The following PUM1 variants were observed in gnomAD, a reference collection of about 807,000 sequenced individuals.
The protein encoded by PUM1 is pumilio homolog 1.
In PUM1, 13 loss-of-function variants were observed where a neutral mutation model predicts 131.8. The observed-to-expected ratio is 0.10, with a 90% CI of 0.06 to 0.16. The LOEUF is 0.16. Among genes scored for constraint, PUM1 ranks in the 10% least tolerant of loss-of-function variants. PUM1 has a pLI of 1.00. For synonymous variants in PUM1, 509 were observed against 556.5 expected, an observed-to-expected ratio of 0.91 and a Z score of 1.20; for missense variants, 961 against 1,512.4, an observed-to-expected ratio of 0.64 and a Z score of 6.05.
chr1:30,960,836 AT>A (rs1206970787), intron 14 of PUM1, among the ~76,000 whole-genome samples: 3 of 152,112 alleles, frequency 2.0e-5, no homozygotes, highest in African/African-American at 2.4e-5. Context: ...AAAACAATAA[AT>A]TTTTTTAGAG....
intron 1 of PUM1, among the ~76,000 whole-genome samples, chr1:31,063,722 GAAAGAAAAGACTCCTATA>G (rs1393425246): frequency 2.6e-5 from 4 of 152,166 alleles, no homozygotes; most frequent in Non-Finnish European, 5.9e-5. Flanking sequence ...AGGAATGGGG[GAAAGAAAAGACTCCTATA>G]AAAATGTTCA....
chr1:31,003,147 T>TA (rs146038426), intron 5 of PUM1, among the ~76,000 whole-genome samples: 8 of 152,296 alleles, frequency 5.3e-5, no homozygotes, highest in African/African-American at 7.2e-5. Context: ...TTAATGTTGA[T>TA]ACAGCTACCC....
chr1:31,045,954 T>C (rs570592370), intron 2 of PUM1, among the ~76,000 whole-genome samples: 5 of 152,190 alleles, frequency 3.3e-5, no homozygotes, highest in South Asian at 2.1e-4. Flanking sequence ...TGGTGGTGCA[T>C]GCTTGTAATC....
intron 3 of PUM1, among the ~76,000 whole-genome samples, chr1:31,010,604 G>A (rs1487445813): frequency 6.6e-6 from 1 of 152,114 alleles, no homozygotes; most frequent in Non-Finnish European, 1.5e-5. Flanking sequence ...CTCTGCCTCT[G>A]CCCTGGGTCA....
At chr1:31,058,737 G>A (rs1270079865) in intron 2 of PUM1, among the ~76,000 whole-genome samples, 2 of 151,846 alleles carry the variant, frequency 1.3e-5, no homozygotes, top group South Asian at 2.1e-4. Context: ...TTGGGAGGCC[G>A]AAGCGGGCAG....
chr1:31,055,325 C>A (rs984375499), intron 2 of PUM1: 2 of 456,084 alleles, frequency 4.4e-6, no homozygotes, highest in African/African-American at 4.0e-5. Context: ...GAGCGCAAAA[C>A]TGAAGAACCT....
chr1:31,003,197 A>G (rs1334834803), intron 5 of PUM1, among the ~76,000 whole-genome samples: 1 of 152,192 alleles, frequency 6.6e-6, no homozygotes, highest in African/African-American at 2.4e-5. Flanking sequence ...CCCATACACT[A>G]CCAAGTACCA....
chr1:30,986,689 G>C, intron 7 of PUM1, among the ~76,000 whole-genome samples: 1 of 152,182 alleles, frequency 6.6e-6, no homozygotes, highest in East Asian at 1.9e-4. Context: ...AATACTTTTT[G>C]AGAAAAACTT....
intron 3 of PUM1, among the ~76,000 whole-genome samples, chr1:31,019,127 C>T (rs1380311348): frequency 1.3e-5 from 2 of 152,058 alleles, no homozygotes; most frequent in East Asian, 1.9e-4. Flanking sequence ...CTGAGGCGAG[C>T]GAATCGCTTG....
At chr1:30,944,722 AAGCACTGAAATATCAGAATAAAT>A (rs1639598169) in intron 18 of PUM1, among the ~76,000 whole-genome samples, 3 of 152,390 alleles carry the variant, frequency 2.0e-5, no homozygotes, top group African/African-American at 4.8e-5. Flanking sequence ...TTTAAAACGA[AAGCACTGAAATATCAGAATAAAT>A]AGTACTTAAC....
intron 2 of PUM1, among the ~76,000 whole-genome samples, chr1:31,054,145 G>GGC (rs1207380086): frequency 7.0e-6 from 1 of 142,354 alleles, no homozygotes; most frequent in African/African-American, 2.6e-5. Flanking sequence ...GCCTGAGCAT[G>GGC]GCAAAACTCC....
intron 21 of PUM1, among the ~76,000 whole-genome samples, chr1:30,934,165 C>CA (rs1263750343): frequency 6.6e-6 from 1 of 152,226 alleles, no homozygotes; most frequent in African/African-American, 2.4e-5. Flanking sequence ...AGAAGTCCTA[C>CA]ATTCCAGAAA....
chr1:31,060,906 TA>T (rs1570379273), intron 1 of PUM1, among the ~76,000 whole-genome samples: 1 of 149,666 alleles, frequency 6.7e-6, no homozygotes, highest in Non-Finnish European at 1.5e-5. Context: ...AAAAAAATAA[TA>T]AATAAATAAA....
At position 31,059,389 on chromosome 1, in the gene PUM1, TCCCAGC is replaced by T; in HGVS notation, c.172_177del (p.Ala58_Gly59del). The stretch of plus-strand genomic sequence containing the variant: ...GATCCTGGGACAGGGCTGGAGTGAG[TCCCAGC>T]TGCAAGAGCCTGATTTGCAGCTGGT... On this transcript the variant is annotated inframe_deletion, in exon 2 of 22. Transcript: ENST00000426105. 1 of 1,614,066 alleles carries T rather than the reference TCCCAGC, an allele frequency of 6.2e-7. No individual in the cohort carries two copies. The highest frequency in any genetic ancestry group is 8.5e-7 in the Non-Finnish European group (1 of 1,180,022).
At position 30,965,635 on chromosome 1, in the gene PUM1, G is replaced by C. The variant is rs568599195; in HGVS notation, c.2086+347C>G. Reference sequence around the variant, plus strand: ...AGAACTCGGCTCAGTCTCAATTGTGGAGTATTTCAGCTCTGCTATCTTTAG... The same window carrying C: ...AGAACTCGGCTCAGTCTCAATTGTGCAGTATTTCAGCTCTGCTATCTTTAG... On this transcript the variant is annotated intron_variant, in intron 13 of 21. Coordinates refer to ENST00000426105, the MANE Select transcript of PUM1 (RefSeq NM_001020658.2). Among the ~76,000 whole-genome samples the C allele has an allele frequency of 6.6e-5, 10 of 152,288 alleles. No individual in the cohort carries two copies. The South Asian group carries it at 1.9e-3, about 28-fold the overall frequency.
intron 5 of PUM1, among the ~76,000 whole-genome samples, chr1:30,997,967 T>C (rs1570238942): frequency 2.0e-5 from 3 of 151,206 alleles, no homozygotes; most frequent in Admixed American, 1.3e-4. Context: ...TTCCCTGCAA[T>C]GTGTTGCATT....
intron 2 of PUM1, among the ~76,000 whole-genome samples, chr1:31,057,260 G>A (rs1016800928): frequency 1.3e-5 from 2 of 151,802 alleles, no homozygotes; most frequent in African/African-American, 4.8e-5. Flanking sequence ...AAAAGTAGCC[G>A]GGTGTAGTGT....
At chr1:30,992,738 G>A (rs1641837920) in intron 6 of PUM1, 78 bp from the exon 7 acceptor site, 1 of 1,231,790 alleles carries the variant, frequency 8.1e-7, no homozygotes, top group South Asian at 1.4e-5. Flanking sequence ...TAAGGACAAT[G>A]TCCTCAACAT....
chr1:30,968,340 C>A lies in PUM1; in HGVS notation c.1645+14G>T. 6.3e-7 allele frequency: 1 copy of A among 1,585,430 alleles called. No homozygotes were observed. Among genetic ancestry groups the A allele is most frequent in the South Asian group, 1.1e-5 (1 of 88,378 alleles). On this transcript the variant is annotated intron_variant, in intron 11 of 21. Transcript: ENST00000426105. ...TTCCCTGCCAAAGTATTAGGAATAA[C>A]AATGCAGCCGCACCTGGCATGCCTG...
Sources: allele counts gnomAD v4.1 joint callset (sites outside exome capture counted in the v4.1 genomes callset), GRCh38; gene constraint gnomAD v4.1.1; transcripts MANE v1.5; gene names NCBI Gene and HGNC (gene_info 2026-07-23, HGNC 2026-07-21).